The following FEZ1 variants were observed in gnomAD, a reference collection of about 807,000 sequenced individuals.
FEZ1 encodes fasciculation and elongation protein zeta 1.
Under a neutral mutation model 49.3 loss-of-function variants are expected in FEZ1, and 20 were observed. The ratio of observed to expected loss-of-function variants is 0.41; its 90% confidence interval spans 0.29 to 0.59. The LOEUF (loss-of-function observed/expected upper bound fraction) is 0.59, where lower values mean the gene tolerates loss of function less well. Ranked by LOEUF, FEZ1 falls within the 20% of genes least tolerant of loss-of-function variation. FEZ1 has a pLI of 0.36. For missense variants in FEZ1, 413 were observed against 476.0 expected (o/e 0.87, Z 1.23); for synonymous variants, 170 against 180.9 (o/e 0.94, Z 0.48).
At chr11:125,460,734 G>T in intron 4 of FEZ1, 68 bp from the exon 5 acceptor site, 3 of 1,425,090 alleles carry the variant, frequency 2.1e-6, no homozygotes, top group Non-Finnish European at 2.9e-6. Context: ...CTTGAATTTT[G>T]ATCAGTTAAG....
intron 6 of FEZ1, 60 bp downstream of exon 6, chr11:125,455,775 C>G: frequency 6.3e-7 from 1 of 1,582,220 alleles, no homozygotes; most frequent in South Asian, 1.1e-5. Flanking sequence ...TGGTAGGGCA[C>G]TGAAACGGGC....
At chr11:125,471,515 A>G (rs1195879041) in intron 3 of FEZ1, among the ~76,000 whole-genome samples, 1 of 152,082 alleles carries the variant, frequency 6.6e-6, no homozygotes, top group Non-Finnish European at 1.5e-5. Context: ...CATATCAAAC[A>G]AAGTAGATTT....
chr11:125,492,840 C>A (rs1274079894), intron 1 of FEZ1, among the ~76,000 whole-genome samples: 1 of 151,784 alleles, frequency 6.6e-6, no homozygotes, highest in Non-Finnish European at 1.5e-5. Flanking sequence ...CGGTGGCTCA[C>A]ACCTGTAATC....
chr11:125,456,551 C>T (rs931461812), intron 5 of FEZ1, among the ~76,000 whole-genome samples: 14 of 152,236 alleles, frequency 9.2e-5, no homozygotes, highest in Admixed American at 2.6e-4. Flanking sequence ...ATATAGCATA[C>T]GGCAACAACA....
chr11:125,473,134 G>C (rs1565539025), intron 3 of FEZ1, among the ~76,000 whole-genome samples: 1 of 151,934 alleles, frequency 6.6e-6, no homozygotes, highest in Non-Finnish European at 1.5e-5. Context: ...ATACAGTGTG[G>C]GATTGGCATA....
At chr11:125,463,910 G>A (rs1018022920) in intron 3 of FEZ1, among the ~76,000 whole-genome samples, 2 of 152,214 alleles carry the variant, frequency 1.3e-5, no homozygotes, top group African/African-American at 4.8e-5. Flanking sequence ...CCTTCTCCAG[G>A]TAAGTGACAC....
chr11:125,468,504 T>A (rs1293038477), intron 3 of FEZ1, among the ~76,000 whole-genome samples: 27 of 152,172 alleles, frequency 1.8e-4, no homozygotes, highest in Non-Finnish European at 4.4e-5. Context: ...ACATAATTTT[T>A]AAAATGATTT....
At chr11:125,448,983 G>T (rs866570945) in intron 8 of FEZ1, among the ~76,000 whole-genome samples, 25 of 152,062 alleles carry the variant, frequency 1.6e-4, no homozygotes, top group South Asian at 4.2e-4. Flanking sequence ...GGTGATAGAC[G>T]AGAACACAGC....
intron 3 of FEZ1, among the ~76,000 whole-genome samples, chr11:125,479,986 T>C (rs1354482031): frequency 2.0e-5 from 3 of 152,202 alleles, no homozygotes; most frequent in Non-Finnish European, 4.4e-5. Context: ...CATCTTTATT[T>C]TTCAGAAGCC....
At chr11:125,475,776 G>A (rs1226182652) in intron 3 of FEZ1, among the ~76,000 whole-genome samples, 1 of 151,860 alleles carries the variant, frequency 6.6e-6, no homozygotes, top group African/African-American at 2.4e-5. Flanking sequence ...CCTACCATAT[G>A]ACTCAGCCAT....
Position 125,489,824 on chromosome 11 carries a change from TA to T in FEZ1, c.-45-3del. 1 of 1,513,700 alleles carries T rather than the reference TA, an allele frequency of 6.6e-7. No individual in the cohort carries two copies. Among genetic ancestry groups the T allele is most frequent in the Non-Finnish European group, 8.8e-7 (1 of 1,132,748 alleles). The allele number at this position is 1,513,700 out of a possible 1,614,324, so 93.8% of individuals were successfully genotyped here. ...CAGCGACTTTCAGGATGAGTTTATCTAAAAGAAATGAACAGCGTAATGTGAG... is the reference window on the plus strand; with the variant it reads ...CAGCGACTTTCAGGATGAGTTTATCTAAAGAAATGAACAGCGTAATGTGAG... On this transcript the variant is annotated splice_region_variant and splice_polypyrimidine_tract_variant and intron_variant, in intron 1 of 9. Coordinates refer to ENST00000278919, the MANE Select transcript of FEZ1 (RefSeq NM_005103.5). The surrounding 1 kb of genome is among the most constrained non-coding windows in gnomAD (Gnocchi z 4.2).
At chr11:125,481,704 G>A (rs1249684374) in intron 2 of FEZ1, 71 bp from the exon 3 acceptor site, 2 of 1,041,898 alleles carry the variant, frequency 1.9e-6, no homozygotes, top group Non-Finnish European at 3.0e-6. Flanking sequence ...GGAAGAGCTG[G>A]GCCGGGAGAG....
chr11:125,457,429 A>AAAAAAAATAT (rs1164500309), intron 5 of FEZ1, among the ~76,000 whole-genome samples: 3 of 20,912 alleles, frequency 1.4e-4, no homozygotes, highest in Non-Finnish European at 2.4e-4. Flanking sequence ...AAAAAAAAAA[A>AAAAAAAATAT]ATATATATAT....
chr11:125,488,689 CA>C (rs1003278028), intron 2 of FEZ1: 1 of 970,064 alleles, frequency 1.0e-6, no homozygotes, highest in East Asian at 1.1e-4. Context: ...CAAAAAAAAA[CA>C]AAACAAAACA....
chr11:125,445,966 G>A lies in FEZ1; in HGVS notation c.*129C>T, dbSNP rs966814980. 1.1e-4 allele frequency: 105 copies of A among 966,902 alleles called. No individual in the cohort carries two copies. Among genetic ancestry groups the A allele is most frequent in the Non-Finnish European group, 1.4e-4 (81 of 596,340 alleles). The allele number at this position is 966,902 out of a possible 1,614,324, so 59.9% of individuals were successfully genotyped here. The stretch of plus-strand genomic sequence containing the variant: ...GGCAAAGGACCCCGCGCGCTTGCTC[G>A]TGTTTAATCCAGGTTAAGCTATACA... On this transcript the variant is annotated 3_prime_UTR_variant, in exon 10 of 10. Transcript: ENST00000278919. The surrounding 1 kb of genome is among the most constrained non-coding windows in gnomAD (Gnocchi z 4.4).
At chr11:125,484,681 GAAGAA>G (rs992374004) in intron 2 of FEZ1, among the ~76,000 whole-genome samples, 4 of 146,322 alleles carry the variant, frequency 2.7e-5, no homozygotes, top group African/African-American at 1.0e-4. Context: ...AAAAAAAAAA[GAAGAA>G]AAGAAAAAAA....
chr11:125,455,805 A>G (rs1464484566), intron 6 of FEZ1, 30 bp downstream of exon 6: 1 of 1,613,090 alleles, frequency 6.2e-7, no homozygotes, highest in Non-Finnish European at 8.5e-7. Context: ...GGTTGGAGGC[A>G]CCCAGTCTTC....
chr11:125,483,130 C>T (rs1383517053), intron 2 of FEZ1, among the ~76,000 whole-genome samples: 1 of 151,830 alleles, frequency 6.6e-6, no homozygotes, highest in Non-Finnish European at 1.5e-5. Context: ...TGTATATATA[C>T]ACCAGGGCAC....
rs1003098219 is a variant in FEZ1, at chr11:125,495,303, A to G, written c.-46+818T>C. On this transcript the variant is annotated intron_variant, in intron 1 of 9. Transcript: ENST00000278919. This position sits in a 1 kb window ranked among gnomAD's most constrained non-coding sequence, Gnocchi z 4.2. ...TGCCCTTCCGGCCAAACAAGCCCGG[A>G]CACGGGAGAGGGATGAGAGTCGGGG... is the stretch of plus-strand genomic sequence containing the variant. 4 of 453,490 alleles carry G rather than the reference A, an allele frequency of 8.8e-6. No homozygotes were observed. The highest frequency in any genetic ancestry group is 1.9e-5 in the Non-Finnish European group (4 of 216,166). The allele number at this position is 453,490 out of a possible 1,614,324, so 28.1% of individuals were successfully genotyped here. A position where few individuals can be genotyped will look rare whatever the true frequency, so the allele number is the denominator to read the frequency against.
Sources: allele counts gnomAD v4.1 joint callset (sites outside exome capture counted in the v4.1 genomes callset), GRCh38; gene constraint gnomAD v4.1.1; non-coding constraint Gnocchi (gnomAD v3.1); transcripts MANE v1.5; gene names NCBI Gene and HGNC (gene_info 2026-07-23, HGNC 2026-07-21).